Variants in ANK3 observed in about 807,000 individuals in gnomAD.
ANK3 encodes ankyrin 3.
ANK3 carries 57 observed loss-of-function variants against 370.9 expected under a neutral mutation model. The ratio of observed to expected loss-of-function variants is 0.15; its 90% CI spans 0.12 to 0.19. The LOEUF is 0.19. Among genes scored for constraint, ANK3 ranks in the 10% least tolerant of loss-of-function variants. The probability of loss-of-function intolerance (pLI) is 1.00; values close to 1 mark genes in which losing one functional copy is unlikely to be tolerated. For missense variants in ANK3, 4,439 were observed against 5,302.1 expected (o/e 0.84, Z 5.06); for synonymous variants, 1,929 against 1,946.3 (o/e 0.99, Z 0.23).
At chr10:60,205,646 G>A (rs2096751742) in intron 11 of ANK3, 146 bp downstream of exon 11, 1 of 607,070 alleles carries the variant, frequency 1.6e-6, no homozygotes, top group African/African-American at 1.8e-5. Flanking sequence ...GGGACTGGCA[G>A]CCCTCTTCCT....
intron 21 of ANK3, among the ~76,000 whole-genome samples, chr10:60,168,397 A>AATTTAT (rs2095682554): frequency 1.3e-5 from 2 of 152,156 alleles, no homozygotes; most frequent in Non-Finnish European, 2.9e-5. Flanking sequence ...TTATTATTAA[A>AATTTAT]GTTTATATTT....
At chr10:60,534,518 C>T (rs1213986326) in intron 2 of ANK3, among the ~76,000 whole-genome samples, 2 of 152,032 alleles carry the variant, frequency 1.3e-5, no homozygotes, top group Non-Finnish European at 2.9e-5. Context: ...GAAGTTGCTT[C>T]AAAGGGTCCT....
chr10:60,355,571 C>T (rs1202663918), intron 1 of ANK3, among the ~76,000 whole-genome samples: 1 of 152,138 alleles, frequency 6.6e-6, no homozygotes, highest in Non-Finnish European at 1.5e-5. Context: ...GTTTGGAAAA[C>T]ATTGCTCTCA....
At chr10:60,183,751 G>A (rs759106519) in intron 17 of ANK3, among the ~76,000 whole-genome samples, 4 of 151,918 alleles carry the variant, frequency 2.6e-5, no homozygotes, top group Admixed American at 6.6e-5. Context: ...CCAGCTACTC[G>A]GGAGGCTGAG....
At chr10:60,461,959 G>T (rs182739188) in intron 2 of ANK3, among the ~76,000 whole-genome samples, 1 of 152,162 alleles carries the variant, frequency 6.6e-6, no homozygotes, top group African/African-American at 2.4e-5. Flanking sequence ...GGTAGTCAGC[G>T]GGTGGGGGAC....
intron 31 of ANK3, 114 bp downstream of exon 31, chr10:60,085,043 C>T (rs868230859): frequency 5.1e-5 from 45 of 886,334 alleles, no homozygotes; most frequent in Middle Eastern, 5.8e-4. Flanking sequence ...GCAAATACTA[C>T]GGATTTTTTT....
intron 2 of ANK3, chr10:60,572,839 C>T: frequency 9.0e-7 from 1 of 1,106,582 alleles, no homozygotes; most frequent in Non-Finnish European, 1.1e-6. Flanking sequence ...AAGGTCCTGA[C>T]AAGACTTTGT....
chr10:60,506,918 T>C (rs2075955710), intron 2 of ANK3, among the ~76,000 whole-genome samples: 2 of 152,094 alleles, frequency 1.3e-5, no homozygotes, highest in South Asian at 4.1e-4. Flanking sequence ...GGAAAAATAT[T>C]TTATTTATAA....
chr10:60,156,457 G>A (rs192091303), intron 23 of ANK3, among the ~76,000 whole-genome samples: 254 of 152,242 alleles, frequency 1.7e-3, no homozygotes, highest in African/African-American at 5.6e-3. Context: ...GACTACAGCC[G>A]TGGGGTGAGC....
At chr10:60,153,571 G>C (rs1181821209) in intron 23 of ANK3, among the ~76,000 whole-genome samples, 1 of 152,076 alleles carries the variant, frequency 6.6e-6, no homozygotes, top group African/African-American at 2.4e-5. Flanking sequence ...GGTATGTTTA[G>C]GTATCTTAAG....
intron 1 of ANK3, among the ~76,000 whole-genome samples, chr10:60,694,528 A>C (rs1419042543): frequency 6.6e-6 from 1 of 152,186 alleles, no homozygotes; most frequent in African/African-American, 2.4e-5. Flanking sequence ...AGGGAAGCCC[A>C]TCAGACTAAC....
intron 7 of ANK3, among the ~76,000 whole-genome samples, chr10:60,240,576 T>C (rs528889619): frequency 6.6e-6 from 1 of 151,830 alleles, no homozygotes; most frequent in East Asian, 1.9e-4. Flanking sequence ...AGTGCTGGGA[T>C]TACAGGGGTG....
intron 1 of ANK3, among the ~76,000 whole-genome samples, chr10:60,356,571 C>A (rs114685475): frequency 6.6e-6 from 1 of 152,194 alleles, no homozygotes; most frequent in African/African-American, 2.4e-5. Context: ...CACATTGGCC[C>A]CAGCTAAATG....
intron 42 of ANK3, chr10:60,051,663 T>A (rs867060870): frequency 6.8e-6 from 2 of 294,546 alleles, no homozygotes; most frequent in African/African-American, 2.5e-5. Flanking sequence ...GATGTTTTCT[T>A]CTTTTTTTTT....
chr10:60,174,794 T>C (rs568406236), intron 18 of ANK3, among the ~76,000 whole-genome samples: 2 of 152,122 alleles, frequency 1.3e-5, no homozygotes, highest in Non-Finnish European at 1.5e-5. Flanking sequence ...TGGGGTGCAG[T>C]GATGGGATCA....
intron 4 of ANK3, 116 bp downstream of exon 4, chr10:60,278,658 T>C (rs1401825407): frequency 2.5e-5 from 21 of 844,152 alleles, no homozygotes; most frequent in African/African-American, 5.1e-5. Flanking sequence ...ACTTTTTAAA[T>C]ATAGTTCTTA....
intron 26 of ANK3, among the ~76,000 whole-genome samples, chr10:60,110,542 TC>T (rs2092629299): frequency 6.6e-6 from 1 of 151,934 alleles, no homozygotes; most frequent in Non-Finnish European, 1.5e-5. Context: ...CAAAAATCAC[TC>T]CTCCCTAGTC....
intron 1 of ANK3, among the ~76,000 whole-genome samples, chr10:60,730,631 T>C (rs1211725286): frequency 6.6e-6 from 1 of 152,148 alleles, no homozygotes. Context: ...AATAAAAAAT[T>C]GCAATTAAAT....
intron 1 of ANK3, among the ~76,000 whole-genome samples, chr10:60,644,272 G>C (rs1183369002): frequency 6.6e-6 from 1 of 152,128 alleles, no homozygotes; most frequent in East Asian, 1.9e-4. Flanking sequence ...GGAGAACATA[G>C]CATCTGCCCA....
Sources: gnomAD v4.1 joint callset for allele counts (sites outside exome capture counted in the v4.1 genomes callset) on GRCh38, gnomAD v4.1.1 for gene constraint, MANE v1.5 for transcripts, NCBI Gene and HGNC (gene_info 2026-07-23, HGNC 2026-07-21) for gene names.